Variants in GPC6 observed in about 807,000 individuals in gnomAD.
GPC6 encodes glypican-6.
Under a neutral mutation model 55.2 loss-of-function variants are expected in GPC6, and 14 were observed. That is an observed-to-expected ratio of 0.25 (90% CI 0.17 to 0.40). The LOEUF is 0.40. GPC6 is among the 10% of genes least tolerant of loss of function. The pLI, the probability that GPC6 is intolerant of heterozygous loss-of-function variation, is 1.00. For synonymous variants in GPC6, 278 were observed against 259.6 expected (o/e 1.07, Z -0.68); for missense variants, 641 against 708.5 (o/e 0.90, Z 1.08).
intron 1 of GPC6, among the ~76,000 whole-genome samples, chr13:93,480,387 G>A (rs889780249): frequency 2.0e-5 from 3 of 152,070 alleles, no homozygotes; most frequent in South Asian, 2.1e-4. Flanking sequence ...TTGATACTAT[G>A]AACAGAAGTT....
intron 2 of GPC6, among the ~76,000 whole-genome samples, chr13:93,573,951 G>A (rs1370984034): frequency 6.6e-6 from 1 of 152,148 alleles, no homozygotes; most frequent in African/African-American, 2.4e-5. Context: ...TGAGTTGAGA[G>A]ACATGAGGTG....
intron 4 of GPC6, among the ~76,000 whole-genome samples, chr13:94,045,693 A>G (rs1883706386): frequency 6.6e-6 from 1 of 151,496 alleles, no homozygotes; most frequent in South Asian, 2.1e-4. Context: ...GCTGTAACTC[A>G]GCCACTTGTT....
chr13:93,798,446 T>C (rs1202934456), intron 2 of GPC6, among the ~76,000 whole-genome samples: 2 of 152,138 alleles, frequency 1.3e-5, no homozygotes, highest in Non-Finnish European at 2.9e-5. Context: ...AAGCGGCAGA[T>C]GATATTTTGT....
chr13:93,599,343 C>A (rs1030250238), intron 2 of GPC6, among the ~76,000 whole-genome samples: 1 of 150,536 alleles, frequency 6.6e-6, no homozygotes, highest in Non-Finnish European at 1.5e-5. Context: ...AGTAACGTTG[C>A]TGAGATTTGT....
At chr13:94,361,699 G>A in intron 6 of GPC6, among the ~76,000 whole-genome samples, 1 of 152,244 alleles carries the variant, frequency 6.6e-6, no homozygotes, top group East Asian at 1.9e-4. Flanking sequence ...TCTTGTAAAT[G>A]TAGAAATGGA....
At chr13:93,461,567 T>C (rs1158319669) in intron 1 of GPC6, among the ~76,000 whole-genome samples, 13 of 151,736 alleles carry the variant, frequency 8.6e-5, no homozygotes, top group Non-Finnish European at 1.8e-4. Flanking sequence ...ACCATTGTCT[T>C]CTGAAACAAT....
chr13:93,506,190 T>G (rs1438354941), intron 1 of GPC6, among the ~76,000 whole-genome samples: 1 of 152,172 alleles, frequency 6.6e-6, no homozygotes, highest in African/African-American at 2.4e-5. Context: ...ATTAATGAAG[T>G]GAGAGAAAGG....
chr13:93,387,076 C>G (rs185206006), intron 1 of GPC6, among the ~76,000 whole-genome samples: 1 of 152,076 alleles, frequency 6.6e-6, no homozygotes, highest in Admixed American at 6.6e-5. Flanking sequence ...TGGACATAAG[C>G]TTTGGAGGAG....
intron 4 of GPC6, among the ~76,000 whole-genome samples, chr13:94,279,086 G>A (rs913640152): frequency 6.6e-6 from 1 of 151,926 alleles, no homozygotes; most frequent in African/African-American, 2.4e-5. Context: ...TTGGTTGGTA[G>A]GCTATTAATT....
intron 6 of GPC6, among the ~76,000 whole-genome samples, chr13:94,343,336 C>T (rs1878132130): frequency 6.6e-6 from 1 of 152,196 alleles, no homozygotes; most frequent in South Asian, 2.1e-4. Flanking sequence ...ACAGCCATCT[C>T]TAATGAAGCC....
At chr13:93,723,081 A>G (rs1196050132) in intron 2 of GPC6, among the ~76,000 whole-genome samples, 1 of 151,978 alleles carries the variant, frequency 6.6e-6, no homozygotes, top group Non-Finnish European at 1.5e-5. Context: ...ATACATTTCT[A>G]TTTGACAACA....
intron 2 of GPC6, among the ~76,000 whole-genome samples, chr13:93,809,061 A>G (rs138505046): frequency 1.3e-4 from 20 of 152,312 alleles, no homozygotes; most frequent in African/African-American, 4.8e-4. Context: ...GTAGAAATAT[A>G]TTCATTTTAA....
At chr13:93,795,934 G>C (rs1224122299) in intron 2 of GPC6, among the ~76,000 whole-genome samples, 1 of 152,056 alleles carries the variant, frequency 6.6e-6, no homozygotes, top group Non-Finnish European at 1.5e-5. Flanking sequence ...TTAAGGCTGG[G>C]TGTGGTGGCA....
At position 94,386,176 on chromosome 13, in the gene GPC6, G is replaced by A. The variant is rs1417717904; in HGVS notation, c.1289+3626G>A. Among the ~76,000 whole-genome samples the A allele has an allele frequency of 7.9e-5, 12 of 151,954 alleles. No individual in the cohort carries two copies. In the East Asian group the frequency reaches 2.3e-3, roughly 30 times the overall value. ...AGATCGAGACCATCCTGGCTAACAT[G>A]GTGAAACCCCGTCTCTACTAAAAAA... On this transcript the variant is annotated intron_variant, in intron 7 of 8. Coordinates refer to ENST00000377047, the MANE Select transcript of GPC6 (RefSeq NM_005708.5).
At chr13:93,809,770 C>G (rs908467511) in intron 2 of GPC6, among the ~76,000 whole-genome samples, 4 of 152,180 alleles carry the variant, frequency 2.6e-5, no homozygotes, top group African/African-American at 9.6e-5. Context: ...GTACTCTATA[C>G]TTTCTAGGTA....
At chr13:94,288,800 TATTTGTTATATATAATAA>T (rs1594134960) in intron 5 of GPC6, among the ~76,000 whole-genome samples, 1 of 97,868 alleles carries the variant, frequency 1.0e-5, no homozygotes, top group East Asian at 2.6e-4. Context: ...TAAATATATA[TATTTGTTATATATAATAA>T]ATATATATAT....
At chr13:93,290,530 T>G (rs1434766859) in intron 1 of GPC6, among the ~76,000 whole-genome samples, 3 of 152,138 alleles carry the variant, frequency 2.0e-5, no homozygotes, top group Non-Finnish European at 4.4e-5. Context: ...CTCAGGAAAT[T>G]TTATACAAAT....
chr13:93,231,413 A>ATATATATACGTATATATATATATATG (rs1876052158), intron 1 of GPC6, among the ~76,000 whole-genome samples: 1 of 45,838 alleles, frequency 2.2e-5, no homozygotes, highest in South Asian at 6.9e-4. Flanking sequence ...ATATATATAT[A>ATATATATACGTATATATATATATATG]TATATATATA....
intron 4 of GPC6, among the ~76,000 whole-genome samples, chr13:94,181,877 T>C (rs1889009892): frequency 6.6e-6 from 1 of 152,204 alleles, no homozygotes; most frequent in Non-Finnish European, 1.5e-5. Flanking sequence ...TTCACATCCA[T>C]TAGTCCTGGT....
Sources: gnomAD v4.1 joint callset for allele counts (sites outside exome capture counted in the v4.1 genomes callset) on GRCh38, gnomAD v4.1.1 for gene constraint, MANE v1.5 for transcripts, NCBI Gene and HGNC (gene_info 2026-07-23, HGNC 2026-07-21) for gene names.